Variants in MAMLD1 observed in about 807,000 individuals in gnomAD.
The protein encoded by MAMLD1 is mastermind-like domain-containing protein 1.
Under a neutral mutation model 45.0 loss-of-function variants are expected in MAMLD1, and 14 were observed. The ratio of observed to expected loss-of-function variants is 0.31; its 90% CI spans 0.21 to 0.49. MAMLD1 has a LOEUF of 0.49. Ranked by LOEUF, MAMLD1 falls within the 20% of genes least tolerant of loss-of-function variation. MAMLD1 has a pLI of 0.99. For missense variants in MAMLD1, 543 were observed against 603.6 expected (o/e 0.90, Z 1.05); for synonymous variants, 254 against 247.8 (o/e 1.02, Z -0.24).
intron 2 of MAMLD1, among the ~76,000 whole-genome samples, chrX:150,454,605 C>G (rs2035780138): frequency 8.9e-6 from 1 of 111,828 alleles, no homozygotes; most frequent in Non-Finnish European, 1.9e-5. Context: ...GTTAATAACA[C>G]ATTCAGAGTG....
At chrX:150,494,919 A>G (rs1557408180) in intron 5 of MAMLD1, among the ~76,000 whole-genome samples, 1 of 100,745 alleles carries the variant, frequency 9.9e-6, no homozygotes, top group African/African-American at 3.8e-5. Context: ...ACAAACAAAA[A>G]CCTTGGCCGG....
chrX:150,465,636 GC>G (rs1453734113), intron 3 of MAMLD1, among the ~76,000 whole-genome samples: 4 of 112,327 alleles, frequency 3.6e-5, no homozygotes, highest in Non-Finnish European at 7.5e-5. Flanking sequence ...CAAAGGCCGG[GC>G]CTGTGAGGGC....
At chrX:150,438,183 C>G (rs1313254760) in intron 1 of MAMLD1, among the ~76,000 whole-genome samples, 3 of 112,132 alleles carry the variant, frequency 2.7e-5, no homozygotes, top group Non-Finnish European at 5.6e-5. Context: ...CAACACAAGT[C>G]TTTATTCCTC....
At chrX:150,381,483 C>A (rs1331800534) in intron 1 of MAMLD1, among the ~76,000 whole-genome samples, 1 of 112,569 alleles carries the variant, frequency 8.9e-6, no homozygotes, top group Non-Finnish European at 1.9e-5. Flanking sequence ...CAAGGATATG[C>A]AATCCTTTGT....
At chrX:150,497,286 T>TC (rs1299851687) in intron 5 of MAMLD1, among the ~76,000 whole-genome samples, 3 of 98,666 alleles carry the variant, frequency 3.0e-5, no homozygotes, top group Admixed American at 1.1e-4. Context: ...TTTTTTTCTT[T>TC]TTTTTTTTTT....
intron 5 of MAMLD1, among the ~76,000 whole-genome samples, chrX:150,502,151 A>T (rs1213953617): frequency 8.8e-6 from 1 of 113,123 alleles, no homozygotes; most frequent in Admixed American, 9.3e-5. Context: ...ATTACATCAA[A>T]ATATCTACTG....
intron 1 of MAMLD1, among the ~76,000 whole-genome samples, chrX:150,382,382 T>C (rs1370797075): frequency 2.7e-5 from 3 of 111,968 alleles, no homozygotes; most frequent in African/African-American, 9.7e-5. Flanking sequence ...TCTTGACTAA[T>C]GTAGCCATAT....
At chrX:150,428,421 A>G (rs1472920639) in intron 1 of MAMLD1, among the ~76,000 whole-genome samples, 8 of 112,917 alleles carry the variant, frequency 7.1e-5, no homozygotes, top group Non-Finnish European at 1.5e-4. Context: ...TCCAAATTGC[A>G]TGTGGCAGAT....
intron 3 of MAMLD1, among the ~76,000 whole-genome samples, chrX:150,465,772 A>G (rs1234570664): frequency 8.9e-6 from 1 of 112,543 alleles, no homozygotes; most frequent in Non-Finnish European, 1.9e-5. Flanking sequence ...GAGGCCTGAA[A>G]GAAGTAGGAG....
chrX:150,486,813 T>C (rs1372205457), intron 5 of MAMLD1, among the ~76,000 whole-genome samples: 1 of 111,634 alleles, frequency 9.0e-6, no homozygotes, highest in Non-Finnish European at 1.9e-5. Flanking sequence ...AAAATTTCAA[T>C]TGGGAAAGAG....
intron 5 of MAMLD1, among the ~76,000 whole-genome samples, chrX:150,488,611 C>T (rs2037072092): frequency 8.8e-6 from 1 of 113,089 alleles, no homozygotes; most frequent in African/African-American, 3.2e-5. Flanking sequence ...CGTCTACAAA[C>T]TGACTAAAAG....
At chrX:150,472,238 C>T (rs1482381617) in intron 4 of MAMLD1, among the ~76,000 whole-genome samples, 2 of 112,085 alleles carry the variant, frequency 1.8e-5, no homozygotes, top group Non-Finnish European at 1.9e-5. Context: ...CCACCTGGGT[C>T]GTGTCTATCA....
chrX:150,465,973 ATGG>A (rs1249122672), intron 3 of MAMLD1, among the ~76,000 whole-genome samples: 1 of 112,436 alleles, frequency 8.9e-6, no homozygotes, highest in Non-Finnish European at 1.9e-5. Context: ...TTGATCTAAA[ATGG>A]TGGCTGTGGG....
At chrX:150,389,244 G>A (rs2033069621) in intron 1 of MAMLD1, among the ~76,000 whole-genome samples, 1 of 110,804 alleles carries the variant, frequency 9.0e-6, no homozygotes, top group African/African-American at 3.3e-5. Context: ...GATGGGTTTC[G>A]CCATGTTGCC....
chrX:150,398,657 T>G (rs1449398455), intron 1 of MAMLD1, among the ~76,000 whole-genome samples: 1 of 111,490 alleles, frequency 9.0e-6, no homozygotes, highest in East Asian at 2.8e-4. Flanking sequence ...GACCAATAAC[T>G]CAATATAACA....
At chrX:150,495,396 C>G (rs1394733299) in intron 5 of MAMLD1, among the ~76,000 whole-genome samples, 1 of 112,248 alleles carries the variant, frequency 8.9e-6, no homozygotes, top group African/African-American at 3.2e-5. Context: ...CCACCACCAT[C>G]AGGACACTAG....
At chrX:150,458,198 A>G (rs1237122630) in intron 2 of MAMLD1, among the ~76,000 whole-genome samples, 2 of 111,785 alleles carry the variant, frequency 1.8e-5, no homozygotes, top group Non-Finnish European at 3.8e-5. Flanking sequence ...CATGTTCTGG[A>G]CATAAATTGT....
At chrX:150,378,088 C>G (rs1461762322) in intron 1 of MAMLD1, among the ~76,000 whole-genome samples, 1 of 111,972 alleles carries the variant, frequency 8.9e-6, no homozygotes, top group African/African-American at 3.2e-5. Context: ...AAAGAAAATC[C>G]AGGATCATGC....
intron 1 of MAMLD1, among the ~76,000 whole-genome samples, chrX:150,417,059 T>C (rs1235040499): frequency 9.0e-6 from 1 of 110,934 alleles, no homozygotes; most frequent in East Asian, 2.8e-4. Context: ...GTTCACATTG[T>C]GCAGGTTAGT....
Sources: gnomAD v4.1 joint callset for allele counts (sites outside exome capture counted in the v4.1 genomes callset) on GRCh38, gnomAD v4.1.1 for gene constraint, MANE v1.5 for transcripts, NCBI Gene and HGNC (gene_info 2026-07-23, HGNC 2026-07-21) for gene names.